The following FSD1L variants were observed in gnomAD, a reference collection of about 807,000 sequenced individuals.
FSD1L encodes FSD1-like protein.
In FSD1L, 45 loss-of-function variants were observed where a neutral mutation model predicts 71.6. The ratio of observed to expected loss-of-function variants is 0.63; its 90% CI spans 0.49 to 0.81. The LOEUF (loss-of-function observed/expected upper bound fraction) is 0.81. Ranked by LOEUF, FSD1L falls within the 30% of genes least tolerant of loss-of-function variation. The pLI is 0.00. For synonymous variants in FSD1L, 197 were observed against 207.2 expected (o/e 0.95, Z 0.42); for missense variants, 561 against 618.1 (o/e 0.91, Z 0.98).
intron 9 of FSD1L, among the ~76,000 whole-genome samples, chr9:105,509,483 A>C (rs1049930901): frequency 1.3e-5 from 2 of 152,166 alleles, no homozygotes; most frequent in Non-Finnish European, 2.9e-5. Context: ...CCTAGTTGTG[A>C]GATGGTTATT....
At chr9:105,543,336 A>C (rs191969058) in intron 13 of FSD1L, among the ~76,000 whole-genome samples, 2 of 152,266 alleles carry the variant, frequency 1.3e-5, no homozygotes, top group Non-Finnish European at 2.9e-5. Flanking sequence ...CTGTATTTTC[A>C]TATTTTAATT....
chr9:105,525,082 T>C, intron 10 of FSD1L: 2 of 1,565,096 alleles, frequency 1.3e-6, no homozygotes, highest in South Asian at 2.4e-5. Flanking sequence ...CATGGGATTC[T>C]GCTATACTGT....
intron 7 of FSD1L, among the ~76,000 whole-genome samples, chr9:105,493,550 T>C (rs1833113753): frequency 6.6e-6 from 1 of 152,220 alleles, no homozygotes; most frequent in Admixed American, 6.5e-5. Flanking sequence ...ATTATGATGT[T>C]AGCTGGTGAT....
intron 5 of FSD1L, 83 bp downstream of exon 5, chr9:105,472,088 T>G (rs1484026821): frequency 7.5e-7 from 1 of 1,337,196 alleles, no homozygotes; most frequent in Non-Finnish European, 9.7e-7. Flanking sequence ...AGTTTTGGAT[T>G]TCTTTACTGA....
intron 4 of FSD1L, among the ~76,000 whole-genome samples, chr9:105,469,345 A>G (rs1228786847): frequency 6.7e-6 from 1 of 148,612 alleles, no homozygotes; most frequent in Non-Finnish European, 1.5e-5. Context: ...GACCCTCTAT[A>G]TAATGTTTTC....
intron 1 of FSD1L, among the ~76,000 whole-genome samples, chr9:105,452,686 C>CCTTCCTTCCTT: frequency 1.4e-5 from 2 of 143,396 alleles, no homozygotes; most frequent in Admixed American, 1.4e-4. Context: ...TTCCTTCCTT[C>CCTTCCTTCCTT]CTTCCTTCCT....
At chr9:105,526,721 C>G (rs1835536820) in intron 10 of FSD1L, among the ~76,000 whole-genome samples, 1 of 152,144 alleles carries the variant, frequency 6.6e-6, no homozygotes, top group African/African-American at 2.4e-5. Flanking sequence ...TTTATTGTTT[C>G]ATTTTTTTCC....
intron 2 of FSD1L, among the ~76,000 whole-genome samples, chr9:105,462,794 G>T (rs2131607882): frequency 7.0e-6 from 1 of 143,468 alleles, no homozygotes; most frequent in South Asian, 2.4e-4. Context: ...TAGCGCACAT[G>T]TGTGGTGGCA....
At chr9:105,491,030 G>T (rs889518071) in intron 7 of FSD1L, among the ~76,000 whole-genome samples, 2 of 151,710 alleles carry the variant, frequency 1.3e-5, no homozygotes, top group East Asian at 3.9e-4. Flanking sequence ...TAGTTTTTTC[G>T]AATTCTGTGA....
At chr9:105,536,273 C>T (rs1418065707) in intron 12 of FSD1L, among the ~76,000 whole-genome samples, 2 of 152,236 alleles carry the variant, frequency 1.3e-5, no homozygotes, top group Non-Finnish European at 1.5e-5. Context: ...CACAGAATTA[C>T]GTTTCCTCAC....
chr9:105,512,842 T>C lies in FSD1L; in HGVS notation c.931T>C (p.Leu311=), dbSNP rs1834473542. ...CAATTTGGATAACTCCTCATCCCATTTGAACCTGAAAGTTGAAGATACATG... is the reference window on the plus strand; with the variant it reads ...CAATTTGGATAACTCCTCATCCCATCTGAACCTGAAAGTTGAAGATACATG... ...NFNLDNSSSH[L]NLKVEDTCVE... is the part of the protein sequence containing the mutation. Residue 311 remains leucine, a synonymous_variant, in exon 10 of 14, where the codon TTG becomes CTG. Transcript: ENST00000481272. The C allele has an allele frequency of 2.6e-6, 4 of 1,538,780 alleles. No individual in the cohort carries two copies. Among genetic ancestry groups the C allele is most frequent in the Non-Finnish European group, 3.5e-6 (4 of 1,139,162 alleles).
intron 7 of FSD1L, among the ~76,000 whole-genome samples, chr9:105,498,893 C>T (rs1272372177): frequency 6.6e-6 from 1 of 152,162 alleles, no homozygotes; most frequent in Non-Finnish European, 1.5e-5. Context: ...GCAAAGATTA[C>T]AGGCATGAGC....
rs544107223 is a variant in FSD1L at position 105,464,024 on chromosome 9, A to G, written c.112-212A>G. Among the ~76,000 whole-genome samples, 6 of 152,350 alleles carry G rather than the reference A, an allele frequency of 3.9e-5. No individual in the cohort carries two copies. In the South Asian group the frequency reaches 1.0e-3, roughly 26 times the overall value. ...AAGTATCATGGTGATTAAGTTGCATATTAGGAATAAGAGGGCTTAATACAG... is the reference window on the plus strand; with the variant it reads ...AAGTATCATGGTGATTAAGTTGCATGTTAGGAATAAGAGGGCTTAATACAG... On this transcript the variant is annotated intron_variant, in intron 2 of 13. Transcript: ENST00000481272.
intron 10 of FSD1L, among the ~76,000 whole-genome samples, chr9:105,517,830 C>T (rs1161917300): frequency 6.6e-5 from 10 of 152,092 alleles, no homozygotes; most frequent in Non-Finnish European, 1.2e-4. Context: ...TAAATGTAAA[C>T]GGGCTAAGTG....
At chr9:105,472,243 G>A (rs2131647213) in intron 5 of FSD1L, 1 of 415,932 alleles carries the variant, frequency 2.4e-6, no homozygotes, top group South Asian at 9.9e-5. Context: ...CTGTCTATGA[G>A]CTGCTTGGGA....
chr9:105,548,085 AGAG>A lies in FSD1L; in HGVS notation c.*1605_*1607del, dbSNP rs1447430939. ...ATTTGAATTGGAATATTGTTTTTCTAGAGGACATTCATATCTGCACTATTATCT... is the reference window on the plus strand; with the variant it reads ...ATTTGAATTGGAATATTGTTTTTCTAGACATTCATATCTGCACTATTATCT... On this transcript the variant is annotated 3_prime_UTR_variant, in exon 14 of 14. Transcript: ENST00000481272. The A allele has an allele frequency of 2.0e-5, 3 of 152,098 alleles. No homozygotes were observed. The highest frequency in any genetic ancestry group is 2.9e-5 in the Non-Finnish European group (2 of 67,970). 9.4% of individuals were successfully genotyped at this position (152,098 alleles called of 1,614,324 possible).
Position 105,539,309 on chromosome 9 carries a change from C to CT in FSD1L, c.1428dup (p.Lys477Ter). 1 of 1,508,542 alleles carries CT rather than the reference C, an allele frequency of 6.6e-7. No homozygotes were observed. The highest frequency in any genetic ancestry group is 8.9e-7 in the Non-Finnish European group (1 of 1,119,600). The allele number at this position is 1,508,542 out of a possible 1,614,324, so 93.4% of individuals were successfully genotyped here. A position where few individuals can be genotyped will look rare whatever the true frequency, so the allele number is the denominator to read the frequency against. ...CAAATTCTAAACAGTTGCTATATTCCTTTAAGACAAAATTTACTCAGCCAG... is the reference window on the plus strand; with the variant it reads ...CAAATTCTAAACAGTTGCTATATTCCTTTTAAGACAAAATTTACTCAGCCAG... On this transcript the variant is annotated frameshift_variant, in exon 13 of 14. Transcript: ENST00000481272. LOFTEE classifies it high-confidence loss of function.
At chr9:105,471,359 T>C (rs961485413) in intron 4 of FSD1L, among the ~76,000 whole-genome samples, 1 of 152,104 alleles carries the variant, frequency 6.6e-6, no homozygotes, top group African/African-American at 2.4e-5. Flanking sequence ...TGCTTGAATA[T>C]ATGTGGACAG....
intron 10 of FSD1L, chr9:105,524,452 T>C (rs557886767): frequency 4.3e-6 from 7 of 1,613,450 alleles, no homozygotes; most frequent in Non-Finnish European, 5.9e-6. Context: ...GACTGGATCA[T>C]GGCCTTACCT....
Sources: gnomAD v4.1 joint callset for allele counts (sites outside exome capture counted in the v4.1 genomes callset) on GRCh38, gnomAD v4.1.1 for gene constraint, MANE v1.5 for transcripts, NCBI Gene and HGNC (gene_info 2026-07-23, HGNC 2026-07-21) for gene names.